Variants in STPG2 observed in about 807,000 individuals in gnomAD.
STPG2 encodes the protein sperm tail PG-rich repeat containing 2.
STPG2 carries 56 observed loss-of-function variants against 54.2 expected under a neutral mutation model. The observed-to-expected ratio is 1.03, with a 90% CI of 0.83 to 1.29. The LOEUF (loss-of-function observed/expected upper bound fraction) is 1.29, where lower values mean the gene tolerates loss of function less well. STPG2 is among the 50% of genes most tolerant of loss of function. The pLI is 0.00. For synonymous variants in STPG2, 200 were observed against 181.8 expected (o/e 1.10, Z -0.81); for missense variants, 596 against 544.9 (o/e 1.09, Z -0.93).
chr4:98,066,049 T>A (rs1002422019), intron 5 of STPG2, among the ~76,000 whole-genome samples: 1 of 152,008 alleles, frequency 6.6e-6, no homozygotes, highest in Non-Finnish European at 1.5e-5. Flanking sequence ...AATATGTATA[T>A]TATATATACC....
At chr4:97,724,883 T>C (rs1560503083) in intron 9 of STPG2, among the ~76,000 whole-genome samples, 1 of 152,124 alleles carries the variant, frequency 6.6e-6, no homozygotes, top group Non-Finnish European at 1.5e-5. Context: ...AATAGGTATA[T>C]TTAATTTAAA....
At chr4:98,001,511 C>T (rs971199673) in intron 5 of STPG2, among the ~76,000 whole-genome samples, 1 of 151,974 alleles carries the variant, frequency 6.6e-6, no homozygotes, top group South Asian at 2.1e-4. Context: ...GGAAAAGAAA[C>T]ATTATCACTT....
rs1270976333 is a variant in STPG2, at chr4:97,893,976, G to C, written c.1044+49921C>G. Reference sequence around the variant, plus strand: ...CGATGGGGTATGAAACAGAATGTAAGAGAGGAAAATTAAAATATGTTTTCT... The same window carrying C: ...CGATGGGGTATGAAACAGAATGTAACAGAGGAAAATTAAAATATGTTTTCT... On this transcript the variant is annotated intron_variant, in intron 8 of 10. Transcript: ENST00000295268. Among the ~76,000 whole-genome samples the C allele has an allele frequency of 2.0e-5, 3 of 151,948 alleles. No homozygotes were observed. In the East Asian group the frequency reaches 5.8e-4, roughly 29 times the overall value.
intron 10 of STPG2, among the ~76,000 whole-genome samples, chr4:97,607,743 G>A (rs990523918): frequency 6.6e-6 from 1 of 152,034 alleles, no homozygotes; most frequent in African/African-American, 2.4e-5. Flanking sequence ...TAATAGAATT[G>A]TGTTGACTGT....
At chr4:97,858,502 G>A (rs146412513) in intron 8 of STPG2, among the ~76,000 whole-genome samples, 8 of 152,120 alleles carry the variant, frequency 5.3e-5, no homozygotes, top group East Asian at 1.9e-4. Flanking sequence ...TGGTGTACCC[G>A]TCACCTGAGC....
intron 4 of STPG2, among the ~76,000 whole-genome samples, chr4:97,543,462 GA>G (rs1454679332): frequency 1.3e-5 from 2 of 150,146 alleles, no homozygotes; most frequent in African/African-American, 2.4e-5. Flanking sequence ...TTCCTTACGG[GA>G]AAAAAAATAA....
intron 5 of STPG2, among the ~76,000 whole-genome samples, chr4:98,023,764 C>T (rs571270215): frequency 6.6e-6 from 1 of 152,274 alleles, no homozygotes; most frequent in Non-Finnish European, 1.5e-5. Context: ...TTGCTGCCAC[C>T]TTGCAGTTTG....
chr4:97,656,688 C>A lies in STPG2; in HGVS notation c.1320+56011G>T, dbSNP rs189420191. On this transcript the variant is annotated intron_variant, in intron 10 of 10. Transcript: ENST00000295268. ...ACATGCACGTGGCATGAAATTATTT[C>A]TTTAGATTGGCAACTAGATGGACAT... 5.4e-3 allele frequency among the ~76,000 whole-genome samples: 805 copies of A among 150,064 alleles called. 6 individuals are homozygous for A. Among genetic ancestry groups the A allele is most frequent in the Middle Eastern group, 0.021 (6 of 292 alleles).
chr4:97,912,045 C>A (rs534864933), intron 8 of STPG2, among the ~76,000 whole-genome samples: 17 of 152,180 alleles, frequency 1.1e-4, no homozygotes, highest in African/African-American at 4.1e-4. Flanking sequence ...GTGGGAGGGA[C>A]CCAGGCGATT....
At chr4:97,759,657 T>C (rs569807827) in intron 9 of STPG2, among the ~76,000 whole-genome samples, 1 of 152,200 alleles carries the variant, frequency 6.6e-6, no homozygotes, top group Non-Finnish European at 1.5e-5. Context: ...ATTTGGGGAA[T>C]TCATATAAAA....
chr4:97,893,296 A>C (rs1032387227), intron 8 of STPG2: 1 of 152,126 alleles, frequency 6.6e-6, no homozygotes, highest in African/African-American at 2.4e-5. Flanking sequence ...ATCCCAAAAA[A>C]GGATCAAAAT....
intron 8 of STPG2, among the ~76,000 whole-genome samples, chr4:97,857,677 T>C (rs1729377653): frequency 6.6e-6 from 1 of 151,654 alleles, no homozygotes; most frequent in Admixed American, 6.6e-5. Flanking sequence ...TAAAAGAAAA[T>C]CACCAAATAA....
intron 4 of STPG2, among the ~76,000 whole-genome samples, chr4:97,514,649 C>T (rs907074417): frequency 5.3e-5 from 8 of 152,054 alleles, no homozygotes; most frequent in African/African-American, 1.7e-4. Context: ...AGGGTATAGG[C>T]TTTTACATAC....
intron 4 of STPG2, among the ~76,000 whole-genome samples, chr4:97,480,763 T>C (rs1730200495): frequency 6.6e-6 from 1 of 151,636 alleles, no homozygotes; most frequent in Non-Finnish European, 1.5e-5. Context: ...CTTACTTTAG[T>C]TTTTGCCTTC....
At chr4:98,112,156 G>C (rs561350451) in intron 3 of STPG2, among the ~76,000 whole-genome samples, 2 of 152,146 alleles carry the variant, frequency 1.3e-5, no homozygotes, top group Admixed American at 1.3e-4. Flanking sequence ...ACCACATAAT[G>C]ATGTTTCAAT....
intron 10 of STPG2, among the ~76,000 whole-genome samples, chr4:97,645,410 T>C (rs570657584): frequency 5.9e-4 from 90 of 152,244 alleles, no homozygotes; most frequent in Admixed American, 1.4e-3. Flanking sequence ...ATAGAGTTCA[T>C]AAAATAGTAT....
chr4:97,727,688 C>T (rs898869712), intron 9 of STPG2, among the ~76,000 whole-genome samples: 1 of 150,732 alleles, frequency 6.6e-6, no homozygotes, highest in African/African-American at 2.4e-5. Flanking sequence ...AAAAATACAG[C>T]TTGTGCATTT....
intron 5 of STPG2, among the ~76,000 whole-genome samples, chr4:98,068,779 C>G (rs1031037900): frequency 1.3e-5 from 2 of 152,036 alleles, no homozygotes; most frequent in African/African-American, 4.8e-5. Context: ...GATGGTATAA[C>G]CTACTACACA....
Position 97,542,535 on chromosome 4 carries a change from G to A in STPG2, c.462+170164C>T, listed in dbSNP as rs188674755. Reference sequence around the variant, plus strand: ...ACACTGTTGGTGGGACTGTAAACTAGTTCAACCATTATGGAAGACAGTGTG... The same window carrying A: ...ACACTGTTGGTGGGACTGTAAACTAATTCAACCATTATGGAAGACAGTGTG... On this transcript the variant is annotated intron_variant, in intron 4 of 4. Coordinates refer to the STPG2 transcript ENST00000522676. Among the ~76,000 whole-genome samples, 131 of 152,298 alleles carry A rather than the reference G, an allele frequency of 8.6e-4. 3 individuals carry two copies. The East Asian group carries it at 0.022, about 26-fold the overall frequency.
Sources: gnomAD v4.1 joint callset for allele counts (sites outside exome capture counted in the v4.1 genomes callset) on GRCh38, gnomAD v4.1.1 for gene constraint, MANE v1.5 for transcripts, NCBI Gene and HGNC (gene_info 2026-07-23, HGNC 2026-07-21) for gene names.